The following ANKS3 variants were observed in gnomAD, a reference collection of about 807,000 sequenced individuals.
The protein encoded by ANKS3 is ankyrin repeat and SAM domain-containing protein 3.
In ANKS3, 62 loss-of-function variants were observed where a neutral mutation model predicts 80.7. That is an observed-to-expected ratio of 0.77 (90% CI 0.63 to 0.95). The LOEUF (loss-of-function observed/expected upper bound fraction) is 0.95, where lower values mean the gene tolerates loss of function less well. Ranked by LOEUF, ANKS3 falls within the 40% of genes least tolerant of loss-of-function variation. ANKS3 has a pLI of 0.00. For synonymous variants in ANKS3, 489 were observed against 355.3 expected, an observed-to-expected ratio of 1.38 and a Z score of -4.23; for missense variants, 1,150 against 883.6, an observed-to-expected ratio of 1.30 and a Z score of -3.82.
At chr16:4,708,030 G>A (rs183531457) in intron 7 of ANKS3, among the ~76,000 whole-genome samples, 1 of 152,196 alleles carries the variant, frequency 6.6e-6, no homozygotes, top group Admixed American at 6.5e-5. Flanking sequence ...CAGGAGAGTC[G>A]CTTGAACCTG....
In ANKS3 at chr16:4,699,395, G is replaced by A. The variant is rs957576125; in HGVS notation, c.1285-219C>T. 21 of 597,228 alleles carry A rather than the reference G, an allele frequency of 3.5e-5. No individual in the cohort carries two copies. The African/African-American group carries it at 3.5e-4, about 10-fold the overall frequency. The allele number at this position is 597,228 out of a possible 1,614,324, so 37.0% of individuals were successfully genotyped here. ...CTATGGTCGGCCACGTGGGGACAAT[G>A]TATGTTCATCACCAGAAACTGGCCT... is the stretch of plus-strand genomic sequence containing the variant. On this transcript the variant is annotated intron_variant, in intron 11 of 17. Coordinates refer to ENST00000304283, the MANE Select transcript of ANKS3 (RefSeq NM_133450.4).
intron 9 of ANKS3, 34 bp downstream of exon 9, chr16:4,702,068 G>A (rs778337310): frequency 9.7e-6 from 15 of 1,544,758 alleles, no homozygotes; most frequent in Non-Finnish European, 1.2e-5. Context: ...GGACCTGCCT[G>A]AGCCACGGGC....
At position 4,698,610 on chromosome 16, in the gene ANKS3, G is replaced by A. The variant is rs747095003; in HGVS notation, c.1552-11C>T. 1.3e-6 allele frequency: 2 copies of A among 1,547,220 alleles called. No individual in the cohort carries two copies. Among genetic ancestry groups the A allele is most frequent in the East Asian group, 2.3e-5 (1 of 44,248 alleles). ...TACCTCCTCGCAGCGCTGCAGGGGG[G>A]TGGGGGGCGCGGGGAGGCTGGGAGG... On this transcript the variant is annotated splice_polypyrimidine_tract_variant and intron_variant, in intron 13 of 17. Transcript: ENST00000304283.
chr16:4,705,892 A>G (rs1340826217), intron 7 of ANKS3, among the ~76,000 whole-genome samples: 2 of 151,766 alleles, frequency 1.3e-5, no homozygotes, highest in Non-Finnish European at 2.9e-5. Context: ...ATAAGTCACA[A>G]CTACTTTTTC....
intron 7 of ANKS3, among the ~76,000 whole-genome samples, chr16:4,707,135 C>A (rs1185144663): frequency 1.3e-5 from 2 of 152,194 alleles, no homozygotes; most frequent in Non-Finnish European, 2.9e-5. Context: ...AAGGGAACGG[C>A]AGCTGCGTGA....
At chr16:4,730,868 A>C (rs703814) in intron 2 of ANKS3, among the ~76,000 whole-genome samples, 81,881 of 151,826 alleles carry the variant, frequency 0.54, 22,374 homozygotes, top group East Asian at 0.68. Context: ...CAAAACAAAA[A>C]AAAAAAACAA....
Position 4,697,382 on chromosome 16 carries a change from C to T in ANKS3, c.1845G>A (p.Met615Ile), listed in dbSNP as rs1428556749. 5 of 1,610,316 alleles carry T rather than the reference C, an allele frequency of 3.1e-6. No individual in the cohort carries two copies. Among genetic ancestry groups the T allele is most frequent in the South Asian group, 1.1e-5 (1 of 90,974 alleles). ...GGGCTCCCGAGAGCTCGGGGAGGCT[C>T]ATGGCCTGCAGGGACGCTTGCCAGC... The part of the protein sequence containing the change: ...SKGWQASLQA[M>I]SLPELSGALE... The change falls in exon 16 of 18, where the codon ATG becomes ATA. Residue 615 changes from methionine (M) to isoleucine (I), a missense_variant. Physicochemically the swap from Met to Ile is conservative, Grantham distance 10. Coordinates refer to ENST00000304283, the MANE Select transcript of ANKS3 (RefSeq NM_133450.4).
chr16:4,699,399 G>T (rs2079775934), intron 11 of ANKS3: 2 of 587,396 alleles, frequency 3.4e-6, no homozygotes, highest in Non-Finnish European at 6.0e-6. Context: ...GACAATGTAT[G>T]TTCATCACCA....
chr16:4,727,786 A>T (rs1390865321), intron 3 of ANKS3: 1 of 153,280 alleles, frequency 6.5e-6, no homozygotes, highest in East Asian at 1.9e-4. Context: ...ATCTGTGACC[A>T]AAGAATCCCA....
At position 4,708,598 on chromosome 16, in the gene ANKS3, G is replaced by A. The variant is rs1044706588; in HGVS notation, c.710-3345C>T. 5.3e-5 allele frequency among the ~76,000 whole-genome samples: 8 copies of A among 152,182 alleles called. No homozygotes were observed. In the East Asian group the frequency reaches 1.5e-3, roughly 29 times the overall value. Reference sequence around the variant, plus strand: ...AATCAAAATCCGATGGGTTTTTCTTGTTTTTCCACTAAACAGACAAAGTAC... The same window carrying A: ...AATCAAAATCCGATGGGTTTTTCTTATTTTTCCACTAAACAGACAAAGTAC... On this transcript the variant is annotated intron_variant, in intron 7 of 17. Coordinates refer to ENST00000304283, the MANE Select transcript of ANKS3 (RefSeq NM_133450.4).
Position 4,724,762 on chromosome 16 carries a change from A to G in ANKS3, c.561T>C (p.Tyr187=), listed in dbSNP as rs772948547. 3.9e-5 allele frequency: 63 copies of G among 1,613,420 alleles called. No homozygotes were observed. The highest frequency in any genetic ancestry group is 5.2e-5 in the Non-Finnish European group (61 of 1,179,808). ...AAAGHEIIVQ[Y]FLNHGVKVDA... ...CAGGGTCACTTACGTGATTCAGAAA[A>G]TACTGCACGATTATCTCATGGCCAG... Residue 187 remains tyrosine (Y), a synonymous_variant, in exon 6 of 18, where the codon TAT becomes TAC. Coordinates refer to ENST00000304283, the MANE Select transcript of ANKS3 (RefSeq NM_133450.4).
intron 9 of ANKS3, 123 bp downstream of exon 9, chr16:4,701,979 C>A: frequency 8.1e-7 from 1 of 1,241,514 alleles, no homozygotes. Flanking sequence ...CACACCTACC[C>A]CTTTCCTGTC....
intron 7 of ANKS3, among the ~76,000 whole-genome samples, chr16:4,712,397 A>C (rs772959126): frequency 6.6e-5 from 10 of 152,136 alleles, no homozygotes; most frequent in Non-Finnish European, 1.3e-4. Context: ...AAAAAAAAGA[A>C]GAAAGAAAAC....
rs1365019009 is a variant in ANKS3 at position 4,723,109 on chromosome 16, G to T, written c.573+1641C>A. On this transcript the variant is annotated intron_variant, in intron 6 of 17. Transcript: ENST00000304283. ...CAGGACAACAGACAACCTTGGTAGTGGGAATTCATCAGGACCGCCTGCACT... is the reference window on the plus strand; with the variant it reads ...CAGGACAACAGACAACCTTGGTAGTTGGAATTCATCAGGACCGCCTGCACT... Among the ~76,000 whole-genome samples the T allele has an allele frequency of 1.3e-5, 2 of 152,142 alleles. 1 individual carries two copies. Among genetic ancestry groups the T allele is most frequent in the South Asian group, 4.1e-4 (2 of 4,828 alleles).
intron 9 of ANKS3, 122 bp from the exon 10 acceptor site, chr16:4,701,665 A>G (rs1596355538): frequency 1.0e-5 from 8 of 803,006 alleles, no homozygotes; most frequent in African/African-American, 5.2e-5. Flanking sequence ...TTGCTTCCTT[A>G]TATTTCAAAC....
chr16:4,697,474 C>A (rs900641036), intron 15 of ANKS3, 58 bp from the exon 16 acceptor site: 3 of 1,391,918 alleles, frequency 2.2e-6, no homozygotes, highest in African/African-American at 1.4e-5. Flanking sequence ...ACAGGCCCTG[C>A]TTTATTCTGA....
At chr16:4,717,901 T>A (rs2080886333) in intron 6 of ANKS3, among the ~76,000 whole-genome samples, 1 of 151,912 alleles carries the variant, frequency 6.6e-6, no homozygotes, top group Admixed American at 6.6e-5. Flanking sequence ...GTTCAAGTGA[T>A]TCTCCCGCCT....
chr16:4,718,076 ATT>A (rs780141955), intron 6 of ANKS3, among the ~76,000 whole-genome samples: 58 of 133,634 alleles, frequency 4.3e-4, no homozygotes, highest in Admixed American at 6.1e-4. Flanking sequence ...TGCCTGGCCA[ATT>A]TTTTTTTTTT....
chr16:4,703,995 G>C (rs1270460430), intron 8 of ANKS3, among the ~76,000 whole-genome samples: 1 of 152,232 alleles, frequency 6.6e-6, no homozygotes, highest in Non-Finnish European at 1.5e-5. Flanking sequence ...AGGTGGCAGG[G>C]ACCTTTTGGA....
Sources: gnomAD v4.1 joint callset for allele counts (sites outside exome capture counted in the v4.1 genomes callset) on GRCh38, gnomAD v4.1.1 for gene constraint, MANE v1.5 for transcripts, NCBI Gene and HGNC (gene_info 2026-07-23, HGNC 2026-07-21) for gene names.